VSTM5: variants seen among roughly 807,000 people sequenced by gnomAD.
The protein encoded by VSTM5 is V-set and transmembrane domain containing 5.
Under a neutral mutation model 20.3 loss-of-function variants are expected in VSTM5, and 21 were observed. The ratio of observed to expected loss-of-function variants is 1.03; its 90% CI spans 0.73 to 1.49. The LOEUF (loss-of-function observed/expected upper bound fraction) is 1.49. Ranked by LOEUF, VSTM5 falls within the 40% of genes most tolerant of loss-of-function variation. The pLI, the probability that VSTM5 is intolerant of heterozygous loss-of-function variation, is 0.00. For synonymous variants in VSTM5, 100 were observed against 102.5 expected (o/e 0.98, Z 0.14); for missense variants, 219 against 250.0 (o/e 0.88, Z 0.84).
intron 1 of VSTM5, among the ~76,000 whole-genome samples, chr11:93,832,729 C>T (rs7948766): frequency 0.016 from 2,422 of 152,278 alleles, 58 homozygotes; most frequent in African/African-American, 0.055. Flanking sequence ...TTTCCCTTCC[C>T]GGGCACTTGC....
At chr11:93,846,628 T>C (rs1422518243) in intron 1 of VSTM5, among the ~76,000 whole-genome samples, 1 of 152,166 alleles carries the variant, frequency 6.6e-6, no homozygotes, top group Non-Finnish European at 1.5e-5. Context: ...GCAGCATATT[T>C]ATATGATGAC....
intron 1 of VSTM5, among the ~76,000 whole-genome samples, chr11:93,840,007 A>G (rs901750044): frequency 2.1e-4 from 32 of 152,202 alleles, no homozygotes; most frequent in African/African-American, 7.5e-4. Context: ...AAGCCAGGGA[A>G]TGCCAGATTG....
At position 93,820,632 on chromosome 11, in the gene VSTM5, C is replaced by A; in HGVS notation, c.560-20G>T. 6.4e-7 allele frequency: 1 copy of A among 1,551,680 alleles called. No individual in the cohort carries two copies. Among genetic ancestry groups the A allele is most frequent in the South Asian group, 1.2e-5 (1 of 83,984 alleles). On this transcript the variant is annotated intron_variant, in intron 3 of 3. Transcript: ENST00000409977. The stretch of plus-strand genomic sequence containing the variant: ...TGCTTTCTGTAAAGCAAAGACAAGT[C>A]AATGAGTTGGAAATCAAGCCACATA...
Position 93,819,765 on chromosome 11 carries a change from G to T in VSTM5, c.*804C>A, listed in dbSNP as rs1388480346. On this transcript the variant is annotated 3_prime_UTR_variant, in exon 4 of 4. Coordinates refer to ENST00000409977, the MANE Select transcript of VSTM5 (RefSeq NM_001144871.2). ...ACACAGGTGGCATCCAGCTCGTCAG[G>T]AGGCCAGGTGCTGCCCATAATGGAG... 1 of 152,250 alleles carries T rather than the reference G, an allele frequency of 6.6e-6. No homozygotes were observed. Among genetic ancestry groups the T allele is most frequent in the African/African-American group, 2.4e-5 (1 of 41,466 alleles). 9.4% of individuals were successfully genotyped at this position (152,250 alleles called of 1,614,324 possible).
At position 93,825,932 on chromosome 11, in the gene VSTM5, AT is replaced by A. The variant is rs113557380; in HGVS notation, c.92-4610del. On this transcript the variant is annotated intron_variant, in intron 1 of 3. Transcript: ENST00000409977. ...AAAAGATGTACAAAACTAAGAGTTG[AT>A]TTTAAAAAAAAAAGAAATAAAGGCC... is the stretch of plus-strand genomic sequence containing the variant. 4.4e-3 allele frequency among the ~76,000 whole-genome samples: 653 copies of A among 147,782 alleles called. 14 individuals carry two copies. The highest frequency in any genetic ancestry group is 0.013 in the African/African-American group (545 of 40,774).
chr11:93,835,327 G>C (rs113732279), intron 1 of VSTM5, among the ~76,000 whole-genome samples: 14 of 152,200 alleles, frequency 9.2e-5, no homozygotes, highest in East Asian at 5.8e-4. Flanking sequence ...GGAGACTGAG[G>C]GGGGAAGATC....
intron 1 of VSTM5, among the ~76,000 whole-genome samples, chr11:93,828,995 C>T (rs1483792969): frequency 1.3e-5 from 2 of 152,180 alleles, no homozygotes; most frequent in African/African-American, 4.8e-5. Flanking sequence ...TTATGAGAGC[C>T]TCAGCTCTCC....
chr11:93,841,493 T>G (rs924310667), intron 1 of VSTM5, among the ~76,000 whole-genome samples: 27 of 152,158 alleles, frequency 1.8e-4, no homozygotes, highest in African/African-American at 5.8e-4. Context: ...TCTTCAAAAC[T>G]CTAACACAGT....
Position 93,820,865 on chromosome 11 carries a change from A to G in VSTM5, c.437T>C (p.Leu146Pro), listed in dbSNP as rs1479732156. ...LHVSEILYED[L>P]HFVAVILAFL... ...AGCAAGGATGACAGCGACAAAGTGC[A>G]GGTCTTCATAGAGGATCTCTATGGA... is the stretch of plus-strand genomic sequence containing the variant. The change falls in exon 3 of 4, where the codon CTG becomes CCG. Residue 146 changes from leucine (L) to proline (P), a missense_variant. Physicochemically the swap from Leu to Pro is moderately conservative, Grantham distance 98 (BLOSUM62 -3). Transcript: ENST00000409977. 6.4e-7 allele frequency: 1 copy of G among 1,550,640 alleles called. No homozygotes were observed. The highest frequency in any genetic ancestry group is 8.7e-7 in the Non-Finnish European group (1 of 1,146,988).
chr11:93,821,046 C>T lies in VSTM5; in HGVS notation c.369G>A (p.Thr123=), dbSNP rs551818777. The T allele has an allele frequency of 5.1e-5, 79 of 1,551,694 alleles. 1 individual carries two copies. In the Admixed American group the frequency reaches 6.9e-4, roughly 13 times the overall value. ...CAAACTGGCTGCTCCCCAGGCGCTC[C>T]GTCACGGTGATGACATAGTAGCCGG... ...RDSGYYVITV[T]ERLGSSQFGT... Residue 123 remains threonine, a synonymous_variant, in exon 2 of 4, where the codon ACG becomes ACA. Coordinates refer to ENST00000409977, the MANE Select transcript of VSTM5 (RefSeq NM_001144871.2).
chr11:93,841,666 G>A (rs997481958), intron 1 of VSTM5, among the ~76,000 whole-genome samples: 6 of 152,346 alleles, frequency 3.9e-5, no homozygotes, highest in Middle Eastern at 3.4e-3. Context: ...ACCTCAGGGC[G>A]AAGAGGACAC....
At position 93,820,714 on chromosome 11, in the gene VSTM5, A is replaced by T. The variant is rs1314676122; in HGVS notation, c.559+29T>A. The T allele has an allele frequency of 3.9e-6, 6 of 1,551,536 alleles. No individual in the cohort carries two copies. In the African/African-American group the frequency reaches 4.1e-5, roughly 11 times the overall value. ...GCCACCTCTGGCCTCAAAACCACTC[A>T]TGGATTATCACAAGGCCCAGGGGGT... On this transcript the variant is annotated intron_variant, in intron 3 of 3. Transcript: ENST00000409977.
Position 93,820,892 on chromosome 11 carries a change from T to C in VSTM5, c.419-9A>G. 1 of 1,549,766 alleles carries C rather than the reference T, an allele frequency of 6.5e-7. No homozygotes were observed. The highest frequency in any genetic ancestry group is 8.7e-7 in the Non-Finnish European group (1 of 1,146,692). ...GTCTTCATAGAGGATCTCTATGGAG[T>C]GAGGGTGAGGGGAGGGGGAAGACAA... On this transcript the variant is annotated splice_polypyrimidine_tract_variant and intron_variant, in intron 2 of 3. Transcript: ENST00000409977.
chr11:93,844,842 C>T (rs368464540), intron 1 of VSTM5, among the ~76,000 whole-genome samples: 1 of 66,692 alleles, frequency 1.5e-5, no homozygotes, highest in South Asian at 6.5e-4. Context: ...GGCCCCGCTG[C>T]TACCCCAGCT....
At chr11:93,824,861 G>A (rs1944219927) in intron 1 of VSTM5, among the ~76,000 whole-genome samples, 1 of 152,136 alleles carries the variant, frequency 6.6e-6, no homozygotes, top group Admixed American at 6.5e-5. Flanking sequence ...TAAGATAAGG[G>A]TTCAATTTCA....
intron 1 of VSTM5, among the ~76,000 whole-genome samples, chr11:93,831,229 A>G (rs887251530): frequency 6.6e-6 from 1 of 151,968 alleles, no homozygotes; most frequent in African/African-American, 2.4e-5. Context: ...GGGTTTCACC[A>G]TGGTGTTCAG....
intron 1 of VSTM5, among the ~76,000 whole-genome samples, chr11:93,840,178 G>C (rs933201930): frequency 2.0e-5 from 3 of 152,220 alleles, no homozygotes; most frequent in Non-Finnish European, 4.4e-5. Context: ...ATGCCCTTCT[G>C]TGGCTTTTAT....
At chr11:93,828,103 C>T (rs1313038458) in intron 1 of VSTM5, among the ~76,000 whole-genome samples, 1 of 152,176 alleles carries the variant, frequency 6.6e-6, no homozygotes, top group Admixed American at 6.5e-5. Context: ...TTAGACTATG[C>T]AATCTTGGCC....
intron 1 of VSTM5, 35 bp from the exon 2 acceptor site, chr11:93,821,358 A>G (rs1208704761): frequency 2.0e-6 from 3 of 1,504,782 alleles, no homozygotes; most frequent in East Asian, 4.9e-5. Context: ...GGGCACATAT[A>G]TATGGCTTTA....
Sources: gnomAD v4.1 joint callset for allele counts (sites outside exome capture counted in the v4.1 genomes callset) on GRCh38, gnomAD v4.1.1 for gene constraint, MANE v1.5 for transcripts, NCBI Gene and HGNC (gene_info 2026-07-23, HGNC 2026-07-21) for gene names.